BAHD1: variants seen among roughly 807,000 people sequenced by gnomAD.
BAHD1 encodes the protein bromo adjacent homology domain-containing 1 protein.
BAHD1 carries 20 observed loss-of-function variants against 63.1 expected under a neutral mutation model. That is an observed-to-expected ratio of 0.32 (90% CI 0.22 to 0.46). BAHD1 has a LOEUF of 0.46. Among genes scored for constraint, BAHD1 ranks in the 20% least tolerant of loss-of-function variants. The probability of loss-of-function intolerance (pLI) is 1.00; values close to 1 mark genes in which losing one functional copy is unlikely to be tolerated. For missense variants in BAHD1, 939 were observed against 1,071.8 expected (o/e 0.88, Z 1.73); for synonymous variants, 408 against 426.8 (o/e 0.96, Z 0.54).
intron 1 of BAHD1, among the ~76,000 whole-genome samples, chr15:40,446,879 C>T (rs1477358851): frequency 2.6e-5 from 4 of 152,162 alleles, no homozygotes; most frequent in African/African-American, 9.7e-5. Flanking sequence ...ACTTTTATTC[C>T]ATCTCCAATG....
intron 1 of BAHD1, among the ~76,000 whole-genome samples, chr15:40,452,220 G>T (rs945808771): frequency 1.3e-5 from 2 of 152,236 alleles, no homozygotes; most frequent in Non-Finnish European, 2.9e-5. Flanking sequence ...TTGAGTGCCC[G>T]CAGCAAGTGA....
intron 3 of BAHD1, among the ~76,000 whole-genome samples, chr15:40,463,483 A>G (rs1010708908): frequency 6.6e-6 from 1 of 152,204 alleles, no homozygotes; most frequent in African/African-American, 2.4e-5. Flanking sequence ...AGGCTTAGCA[A>G]TACTTTAAAT....
intron 1 of BAHD1, among the ~76,000 whole-genome samples, chr15:40,447,592 AAATAAATAAATAAATAAAT>A (rs869134237): frequency 6.6e-5 from 10 of 150,526 alleles, no homozygotes; most frequent in African/African-American, 1.2e-4. Context: ...ATAAATAAAT[AAATAAATAAATAAATAAAT>A]AAAAATAAAA....
At chr15:40,454,936 G>T (rs1359738435) in intron 1 of BAHD1, among the ~76,000 whole-genome samples, 1 of 152,160 alleles carries the variant, frequency 6.6e-6, no homozygotes, top group Non-Finnish European at 1.5e-5. Flanking sequence ...GAGGGGCCCT[G>T]GCAGGCTTGT....
chr15:40,463,391 GC>G (rs1894108334), intron 3 of BAHD1, among the ~76,000 whole-genome samples: 1 of 152,194 alleles, frequency 6.6e-6, no homozygotes, highest in African/African-American at 2.4e-5. Flanking sequence ...TAAGTATTAT[GC>G]CCTTTAATCC....
At chr15:40,459,935 G>A (rs3743144) in intron 2 of BAHD1, 39 bp downstream of exon 2, 40,603 of 1,528,002 alleles carry the variant, frequency 0.027, 1,187 homozygotes, top group East Asian at 0.13. Flanking sequence ...GGGGAGTCTC[G>A]GAGACATGGC....
At chr15:40,445,767 G>A (rs1893524565) in intron 1 of BAHD1, among the ~76,000 whole-genome samples, 1 of 152,192 alleles carries the variant, frequency 6.6e-6, no homozygotes. Flanking sequence ...GTACTACCCC[G>A]ACCCAAGTAT....
chr15:40,464,362 C>T (rs1362774379), intron 4 of BAHD1, 109 bp from the exon 5 acceptor site: 6 of 951,832 alleles, frequency 6.3e-6, no homozygotes, highest in Non-Finnish European at 9.8e-6. Context: ...TTGCCGGAGC[C>T]TGCAGGATTG....
chr15:40,458,409 G>A lies in BAHD1; in HGVS notation c.-14-42G>A. 1 of 1,522,418 alleles carries A rather than the reference G, an allele frequency of 6.6e-7. No homozygotes were observed. The highest frequency in any genetic ancestry group is 1.3e-5 in the South Asian group (1 of 76,196). 94.3% of individuals were successfully genotyped at this position (1,522,418 alleles called of 1,614,324 possible). On this transcript the variant is annotated intron_variant, in intron 1 of 6. Transcript: ENST00000416165. The surrounding 1 kb of genome is among the most constrained non-coding windows in gnomAD (Gnocchi z 4.7). ...TGGGAGAGAAAGCAGGCAGGAGCAG[G>A]CCAGAGAGGGCTTCTCTCATTGCCC...
intron 2 of BAHD1, among the ~76,000 whole-genome samples, chr15:40,461,016 A>G (rs1337771849): frequency 1.3e-5 from 2 of 152,176 alleles, no homozygotes; most frequent in Non-Finnish European, 2.9e-5. Flanking sequence ...AGTGCTTTAC[A>G]TATGGGAGGC....
intron 5 of BAHD1, 129 bp downstream of exon 5, chr15:40,464,676 C>A: frequency 2.7e-6 from 2 of 733,516 alleles, no homozygotes; most frequent in Non-Finnish European, 4.6e-6. Context: ...CTTTGGACTC[C>A]AGAGAACCTG....
chr15:40,464,618 G>A (rs79551107), intron 5 of BAHD1, 71 bp downstream of exon 5: 22,759 of 1,335,386 alleles, frequency 0.017, 409 homozygotes, highest in African/African-American at 0.086. Context: ...CTAAGACGTG[G>A]TAGGGGGAGG....
chr15:40,452,216 G>A (rs990088657), intron 1 of BAHD1, among the ~76,000 whole-genome samples: 27 of 152,248 alleles, frequency 1.8e-4, no homozygotes, highest in African/African-American at 6.5e-4. Context: ...TGAATTGAGT[G>A]CCCGCAGCAA....
At chr15:40,442,731 G>A (rs1357376858) in intron 1 of BAHD1, among the ~76,000 whole-genome samples, 2 of 152,202 alleles carry the variant, frequency 1.3e-5, no homozygotes, top group South Asian at 2.1e-4. Flanking sequence ...AGAAAAATGA[G>A]AAGCTGAGTT....
intron 1 of BAHD1, among the ~76,000 whole-genome samples, chr15:40,441,957 G>C (rs1003155511): frequency 6.6e-6 from 1 of 151,914 alleles, no homozygotes. Context: ...GAAGGGGACC[G>C]GTTCGAAAAG....
intron 1 of BAHD1, among the ~76,000 whole-genome samples, chr15:40,451,644 C>G (rs1156874659): frequency 3.3e-5 from 5 of 151,884 alleles, no homozygotes; most frequent in Non-Finnish European, 5.9e-5. Flanking sequence ...TAAGGCCACA[C>G]AGGATTAGCA....
intron 1 of BAHD1, chr15:40,454,701 C>G (rs1289650900): frequency 6.6e-6 from 1 of 152,190 alleles, no homozygotes; most frequent in Admixed American, 6.5e-5. Flanking sequence ...CATGGACCAC[C>G]CGTGTCTGGG....
rs1893921737 is a variant in BAHD1, at chr15:40,458,650, G to A, written c.186G>A (p.Leu62=). The A allele has an allele frequency of 6.2e-7, 1 of 1,613,758 alleles. No individual in the cohort carries two copies. The highest frequency in any genetic ancestry group is 8.5e-7 in the Non-Finnish European group (1 of 1,179,922). The stretch of plus-strand genomic sequence containing the variant: ...ATTACCCACTTCGTAAGCGCCCATT[G>A]GTTCCTGAGAAGCCCAAGGCCTGCA... ...RKNYPLRKRP[L]VPEKPKACKV... The change falls in exon 2 of 7, where the codon TTG becomes TTA. Residue 62 remains leucine (L), a synonymous_variant. Transcript: ENST00000416165. The surrounding 1 kb of genome is among the most constrained non-coding windows in gnomAD (Gnocchi z 4.7).
chr15:40,460,054 C>G (rs545558930), intron 2 of BAHD1, among the ~76,000 whole-genome samples, 158 bp downstream of exon 2: 1 of 152,084 alleles, frequency 6.6e-6, no homozygotes, highest in Non-Finnish European at 1.5e-5. Flanking sequence ...GTCTGTGCCC[C>G]AAGCCGAGGA....
Sources: allele counts gnomAD v4.1 joint callset (sites outside exome capture counted in the v4.1 genomes callset), GRCh38; gene constraint gnomAD v4.1.1; non-coding constraint Gnocchi (gnomAD v3.1); transcripts MANE v1.5; gene names NCBI Gene and HGNC (gene_info 2026-07-23, HGNC 2026-07-21).